ZNF567: variants seen among roughly 807,000 people sequenced by gnomAD.
The protein encoded by ZNF567 is zinc finger protein 567.
A neutral mutation model predicts 53.9 loss-of-function variants in ZNF567; 36 were observed. That is an observed-to-expected ratio of 0.67 (90% CI 0.51 to 0.88). The LOEUF (loss-of-function observed/expected upper bound fraction) is 0.88, where lower values mean the gene tolerates loss of function less well. Among genes scored for constraint, ZNF567 ranks in the 40% least tolerant of loss-of-function variants. The pLI, the probability that ZNF567 is intolerant of heterozygous loss-of-function variation, is 0.00. For synonymous variants in ZNF567, 224 were observed against 260.4 expected (o/e 0.86, Z 1.35); for missense variants, 619 against 764.7 (o/e 0.81, Z 2.25).
At chr19:36,691,431 G>A (rs1008004386) in intron 2 of ZNF567, among the ~76,000 whole-genome samples, 2 of 151,866 alleles carry the variant, frequency 1.3e-5, no homozygotes, top group African/African-American at 4.8e-5. Context: ...CTCCTCAGGT[G>A]CTGGGATTAT....
chr19:36,709,574 C>T (rs2039670514), intron 3 of ZNF567, among the ~76,000 whole-genome samples: 1 of 151,566 alleles, frequency 6.6e-6, no homozygotes, highest in South Asian at 2.1e-4. Context: ...AAGCAGTCTT[C>T]CTGCCTCAGC....
intron 3 of ZNF567, among the ~76,000 whole-genome samples, chr19:36,707,690 GC>G (rs1433026063): frequency 6.6e-6 from 1 of 152,062 alleles, no homozygotes; most frequent in Non-Finnish European, 1.5e-5. Context: ...TGATTCTCCT[GC>G]CTCAGCCTCC....
chr19:36,709,314 A>G (rs1010821356), intron 3 of ZNF567, among the ~76,000 whole-genome samples: 2 of 152,218 alleles, frequency 1.3e-5, no homozygotes, highest in Non-Finnish European at 1.5e-5. Context: ...GGTTGCTTTC[A>G]TGCTAAAATA....
chr19:36,695,688 C>G (rs535130752), intron 3 of ZNF567, among the ~76,000 whole-genome samples: 130 of 140,146 alleles, frequency 9.3e-4, no homozygotes, highest in African/African-American at 3.4e-3. Context: ...GAACAAGACT[C>G]TCTTTATTAA....
At chr19:36,679,333 T>C in the ZNF567 span, among the ~76,000 whole-genome samples, 3 of 152,092 alleles carry the variant, frequency 2.0e-5, no homozygotes, top group Non-Finnish European at 4.4e-5. Context: ...GTTAGACACC[T>C]GCTATTACAA....
chr19:36,676,325 C>T, the ZNF567 span, among the ~76,000 whole-genome samples: 3 of 151,456 alleles, frequency 2.0e-5, no homozygotes, highest in African/African-American at 2.4e-5. Flanking sequence ...CTCAACCTCC[C>T]GAAGTGCTGG....
intron 2 of ZNF567, among the ~76,000 whole-genome samples, chr19:36,689,892 CTG>C (rs2038507552): frequency 6.6e-6 from 1 of 152,164 alleles, no homozygotes; most frequent in South Asian, 2.1e-4. Flanking sequence ...TGGAAAAACA[CTG>C]TTCTAAAAAT....
At chr19:36,669,471 A>G in the ZNF567 span, 1 of 152,228 alleles carries the variant, frequency 6.6e-6, no homozygotes, top group East Asian at 1.9e-4. Flanking sequence ...GATACGTTAC[A>G]GTGGGGAAAA....
At chr19:36,689,913 C>G (rs997040062) in intron 2 of ZNF567, among the ~76,000 whole-genome samples, 2 of 152,124 alleles carry the variant, frequency 1.3e-5, no homozygotes, top group Non-Finnish European at 2.9e-5. Flanking sequence ...ATAACAGTCT[C>G]TTAAAAATAC....
chr19:36,709,934 A>T (rs1344345263), intron 3 of ZNF567, among the ~76,000 whole-genome samples: 2 of 152,172 alleles, frequency 1.3e-5, no homozygotes, highest in Non-Finnish European at 2.9e-5. Context: ...TTTGGTGTTT[A>T]TCCTTTTAGG....
At chr19:36,712,565 C>A (rs1038648799) in intron 4 of ZNF567, 53 bp downstream of exon 4, 1 of 1,607,410 alleles carries the variant, frequency 6.2e-7, no homozygotes, top group African/African-American at 1.3e-5. Flanking sequence ...TCTCAAAGTG[C>A]CTAATTGTGT....
At chr19:36,686,413 A>G (rs2038272935), upstream of ZNF567, 1 of 152,162 alleles carries the variant, frequency 6.6e-6, no homozygotes. Context: ...CTCATCATCT[A>G]CCATAAACAT....
the ZNF567 span, among the ~76,000 whole-genome samples, chr19:36,682,552 A>G: frequency 6.7e-6 from 1 of 148,482 alleles, no homozygotes; most frequent in Admixed American, 6.7e-5. Flanking sequence ...GAAAGTTTCT[A>G]TGTCTGTAAT....
upstream of ZNF567, among the ~76,000 whole-genome samples, chr19:36,683,847 T>A (rs1379430902): frequency 1.3e-5 from 2 of 151,576 alleles, no homozygotes; most frequent in South Asian, 2.1e-4. Context: ...ATAATAATAA[T>A]AAAATAAAAT....
chr19:36,683,348 A>T (rs1281468575), upstream of ZNF567, among the ~76,000 whole-genome samples: 1 of 152,162 alleles, frequency 6.6e-6, no homozygotes, highest in East Asian at 1.9e-4. Context: ...CTGGGATTAC[A>T]GGGGTGAGCT....
At chr19:36,677,491 G>T in the ZNF567 span, among the ~76,000 whole-genome samples, 65 of 142,184 alleles carry the variant, frequency 4.6e-4, no homozygotes, top group Non-Finnish European at 7.9e-4. Flanking sequence ...AAAAGGCCAG[G>T]CATGGTGGTT....
downstream of ZNF567, chr19:36,721,391 G>C (rs1391855948): frequency 1.3e-5 from 2 of 152,100 alleles, no homozygotes; most frequent in Admixed American, 1.3e-4. Context: ...CCTGGGACTG[G>C]ACTTATTCAT....
chr19:36,684,610 G>A (rs916542427), upstream of ZNF567, among the ~76,000 whole-genome samples: 1 of 152,092 alleles, frequency 6.6e-6, no homozygotes, highest in Non-Finnish European at 1.5e-5. Flanking sequence ...CCTGGGCACA[G>A]AACTGCTGTT....
upstream of ZNF567, chr19:36,686,922 A>G (rs2038287009): frequency 6.6e-6 from 1 of 152,190 alleles, no homozygotes; most frequent in Non-Finnish European, 1.5e-5. Flanking sequence ...TGTGTCAAAC[A>G]CCAGGCTGAG....
Sources: gnomAD v4.1 joint callset for allele counts (sites outside exome capture counted in the v4.1 genomes callset) on GRCh38, gnomAD v4.1.1 for gene constraint, MANE v1.5 for transcripts, NCBI Gene and HGNC (gene_info 2026-07-23, HGNC 2026-07-21) for gene names.